CHD3: variants seen among roughly 807,000 people sequenced by gnomAD.
CHD3 encodes ATP-dependent chromatin remodeler CHD3.
In CHD3, 52 loss-of-function variants were observed where a neutral mutation model predicts 248.9. The observed-to-expected ratio is 0.21, with a 90% CI of 0.17 to 0.26. The LOEUF (loss-of-function observed/expected upper bound fraction) is 0.26. Ranked by LOEUF, CHD3 falls within the 10% of genes least tolerant of loss-of-function variation. The probability of loss-of-function intolerance (pLI) is 1.00; values close to 1 mark genes in which losing one functional copy is unlikely to be tolerated. For synonymous variants in CHD3, 985 were observed against 985.2 expected (o/e 1.00, Z 0.00); for missense variants, 1,482 against 2,605.8 (o/e 0.57, Z 9.39).
rs770465240 is a variant in CHD3, at chr17:7,890,648, C to T, written c.291C>T (p.Thr97=). The change falls in exon 3 of 40, where the codon ACC becomes ACT. Residue 97 remains threonine, a synonymous_variant. Transcript: ENST00000330494. ...AGAGTGGGGGCAGTGAATATGGAAC[C>T]GGACCGGGTCGGAAACGAAGAAGGA... ...KSESGGSEYG[T]GPGRKRRRKH... is the part of the protein sequence containing the mutation. The T allele has an allele frequency of 1.4e-5, 22 of 1,605,974 alleles. No individual in the cohort carries two copies. The highest frequency in any genetic ancestry group is 6.9e-5 in the African/African-American group (5 of 72,802).
chr17:7,911,746 G>C lies in CHD3; in HGVS notation c.*161G>C, dbSNP rs1411673468. ...CTCTGCAGCTCCTCTCTTCAAGAAG[G>C]GCCCTTTGTCTTTCTCCACTCCCAC... On this transcript the variant is annotated 3_prime_UTR_variant, in exon 40 of 40. Coordinates refer to ENST00000330494, the MANE Select transcript of CHD3 (RefSeq NM_001005273.3). The surrounding 1 kb of genome is among the most constrained non-coding windows in gnomAD (Gnocchi z 5.4). 22 of 1,531,120 alleles carry C rather than the reference G, an allele frequency of 1.4e-5. No individual in the cohort carries two copies. Among genetic ancestry groups the C allele is most frequent in the Non-Finnish European group, 1.9e-5 (21 of 1,134,756 alleles). 94.8% of individuals were successfully genotyped at this position (1,531,120 alleles called of 1,614,324 possible). A position where few individuals can be genotyped will look rare whatever the true frequency, so the allele number is the denominator to read the frequency against.
chr17:7,906,914 C>G lies in CHD3; in HGVS notation c.4549C>G (p.Leu1517Val). Reference sequence around the variant, plus strand: ...CAATGGGCGTTGGTCAATGCCGGAACTGATGCCTGACCCCAGCGCCGATTC... The same window carrying G: ...CAATGGGCGTTGGTCAATGCCGGAAGTGATGCCTGACCCCAGCGCCGATTC... Reference protein sequence around the residue: ...HINGRWSMPELMPDPSADSKR... With the variant: ...HINGRWSMPEVMPDPSADSKR... Residue 1517 changes from leucine to valine, a missense_variant, in exon 30 of 40, where the codon CTG (leucine) becomes GTG (valine). Leu to Val is a conservative substitution (Grantham distance 32). Coordinates refer to ENST00000330494, the MANE Select transcript of CHD3 (RefSeq NM_001005273.3). The surrounding 1 kb of genome is among the most constrained non-coding windows in gnomAD (Gnocchi z 5.0). 6.2e-7 allele frequency: 1 copy of G among 1,614,148 alleles called. No individual in the cohort carries two copies. Among genetic ancestry groups the G allele is most frequent in the Non-Finnish European group, 8.5e-7 (1 of 1,180,020 alleles).
At chr17:7,902,532 T>C in intron 20 of CHD3, 78 bp from the exon 21 acceptor site, 1 of 878,474 alleles carries the variant, frequency 1.1e-6, no homozygotes, top group South Asian at 1.5e-5. Flanking sequence ...GGGTTGAGTT[T>C]GTGTAAAGGA....
At chr17:7,891,493 G>A (rs576912264) in intron 4 of CHD3, among the ~76,000 whole-genome samples, 2 of 152,272 alleles carry the variant, frequency 1.3e-5, no homozygotes, top group South Asian at 4.1e-4. Context: ...GGTAATAATG[G>A]AGGGTCCACT....
At chr17:7,885,463 G>A (rs1967750522), upstream of CHD3, among the ~76,000 whole-genome samples, 2 of 151,622 alleles carry the variant, frequency 1.3e-5, no homozygotes, top group South Asian at 2.1e-4. Context: ...GAGGGGGTAG[G>A]CAGGAAACGG....
chr17:7,899,219 C>A lies in CHD3; in HGVS notation c.2343+17C>A. The A allele has an allele frequency of 1.2e-6, 2 of 1,609,822 alleles. No homozygotes were observed. Among genetic ancestry groups the A allele is most frequent in the Non-Finnish European group, 1.7e-6 (2 of 1,176,674 alleles). ...TACAAGGAGGTGCTGGATTCTAGGA[C>A]CTTGAAGGGGACCGCCTGGACTGGG... On this transcript the variant is annotated intron_variant, in intron 14 of 39. Coordinates refer to ENST00000330494, the MANE Select transcript of CHD3 (RefSeq NM_001005273.3). This position sits in a 1 kb window ranked among gnomAD's most constrained non-coding sequence, Gnocchi z 6.8.
upstream of CHD3, chr17:7,885,205 G>A (rs1475748213): frequency 3.2e-6 from 3 of 926,842 alleles, no homozygotes; most frequent in Non-Finnish European, 2.6e-6. Flanking sequence ...GCGAATCCGG[G>A]GCTCGGGCCC....
At position 7,907,170 on chromosome 17, in the gene CHD3, C is replaced by T; in HGVS notation, c.4711C>T (p.Leu1571Phe). Residue 1571 changes from leucine to phenylalanine, a missense_variant, in exon 31 of 40, where the codon CTT becomes TTT. Transcript: ENST00000330494. The surrounding 1 kb of genome is among the most constrained non-coding windows in gnomAD (Gnocchi z 4.3). ...SEKGEGIRTP[L>F]EKEEAENQEE... is the part of the protein sequence containing the mutation. ...GAAAGGAGAAGGCATAAGGACACCT[C>T]TTGAGAAGGAGGAAGCTGAAAACCA... is the stretch of plus-strand genomic sequence containing the variant. 1.2e-6 allele frequency: 2 copies of T among 1,614,214 alleles called. No homozygotes were observed. The highest frequency in any genetic ancestry group is 1.1e-5 in the South Asian group (1 of 91,086).
upstream of CHD3, among the ~76,000 whole-genome samples, chr17:7,885,768 C>T (rs1193263332): frequency 6.6e-6 from 1 of 152,190 alleles, no homozygotes; most frequent in Non-Finnish European, 1.5e-5. Context: ...CATGCGGTGG[C>T]ACGCGAGGGA....
In CHD3 at chr17:7,910,706, T is replaced by G; in HGVS notation, c.5754+115T>G. The G allele has an allele frequency of 6.6e-7, 1 of 1,506,678 alleles. No individual in the cohort carries two copies. Among genetic ancestry groups the G allele is most frequent in the Non-Finnish European group, 8.9e-7 (1 of 1,117,668 alleles). 93.3% of individuals were successfully genotyped at this position (1,506,678 alleles called of 1,614,324 possible). ...GGAAAAACAACTTGCTAGAACACAG[T>G]CATCACCCTTGAGTGAGTCTCCCTG... On this transcript the variant is annotated intron_variant, in intron 38 of 39. Coordinates refer to ENST00000330494, the MANE Select transcript of CHD3 (RefSeq NM_001005273.3). The surrounding 1 kb of genome is among the most constrained non-coding windows in gnomAD (Gnocchi z 4.7).
upstream of CHD3, chr17:7,888,729 TGC>T (rs1968374483): frequency 2.1e-6 from 2 of 960,030 alleles, no homozygotes; most frequent in East Asian, 7.6e-5. Flanking sequence ...TGGGTGTGGG[TGC>T]GCGCGTGCGC....
In CHD3 at chr17:7,903,353, C is replaced by T. The variant is rs762693054; in HGVS notation, c.3577C>T (p.Arg1193Ter). 6.2e-7 allele frequency: 1 copy of T among 1,614,206 alleles called. No homozygotes were observed. Among genetic ancestry groups the T allele is most frequent in the East Asian group, 2.2e-5 (1 of 44,882 alleles). Residue 1193 changes from arginine to a stop codon, truncating the protein, a stop_gained, in exon 23 of 40, where the codon CGA becomes TGA. Coordinates refer to ENST00000330494, the MANE Select transcript of CHD3 (RefSeq NM_001005273.3). LOFTEE classifies it high-confidence loss of function. The surrounding 1 kb of genome is among the most constrained non-coding windows in gnomAD (Gnocchi z 6.8). ...TGTGACTCGCGCGTCAGTGGAAGAG[C>T]GAATCACACAAGTGGCCAAGAGAAA... ...RFVTRASVEE[R>*]ITQVAKRKMM...
At chr17:7,901,018 A>G in intron 19 of CHD3, 25 bp downstream of exon 19, 1 of 1,604,568 alleles carries the variant, frequency 6.2e-7, no homozygotes, top group African/African-American at 1.3e-5. Flanking sequence ...CAGGGAGCTG[A>G]TCGAACGCCC....
At chr17:7,887,733 C>A (rs1968188793), upstream of CHD3, among the ~76,000 whole-genome samples, 2 of 152,168 alleles carry the variant, frequency 1.3e-5, no homozygotes, top group Non-Finnish European at 2.9e-5. Flanking sequence ...CCAGGCTCCG[C>A]CCTGCGCCCT....
Position 7,895,247 on chromosome 17 carries a change from C to A in CHD3, c.1504-92C>A. The A allele has an allele frequency of 6.3e-7, 1 of 1,579,658 alleles. No individual in the cohort carries two copies. The highest frequency in any genetic ancestry group is 1.2e-5 in the South Asian group (1 of 85,830). On this transcript the variant is annotated intron_variant, in intron 9 of 39. Coordinates refer to ENST00000330494, the MANE Select transcript of CHD3 (RefSeq NM_001005273.3). The surrounding 1 kb of genome is among the most constrained non-coding windows in gnomAD (Gnocchi z 4.9). ...GTCCAGCTTTTCATTTCTCTGCACT[C>A]CCCCACCCTTGTGGGACCCCTATCT... is the stretch of plus-strand genomic sequence containing the variant.
At position 7,905,827 on chromosome 17, in the gene CHD3, C is replaced by T. The variant is rs368755514; in HGVS notation, c.4225-29C>T. The T allele has an allele frequency of 1.9e-5, 31 of 1,614,024 alleles. No homozygotes were observed. Among genetic ancestry groups the T allele is most frequent in the Non-Finnish European group, 2.5e-5 (30 of 1,180,032 alleles). On this transcript the variant is annotated intron_variant, in intron 27 of 39. Transcript: ENST00000330494. This position sits in a 1 kb window ranked among gnomAD's most constrained non-coding sequence, Gnocchi z 5.8. ...AGACCTAAGAACCCTAGACATTTGT[C>T]GCCATTGCCTCCTTGCTCCCACCCT...
chr17:7,897,892 C>G lies in CHD3; in HGVS notation c.1920-79C>G. 1 of 1,467,254 alleles carries G rather than the reference C, an allele frequency of 6.8e-7. No individual in the cohort carries two copies. Among genetic ancestry groups the G allele is most frequent in the East Asian group, 2.3e-5 (1 of 42,942 alleles). The allele number at this position is 1,467,254 out of a possible 1,614,324, so 90.9% of individuals were successfully genotyped here. ...AATTTTGTGTGTTTGCTGATAATTG[C>G]GTTTCTCAGGCCTTCTTTCTGTTTG... On this transcript the variant is annotated intron_variant, in intron 11 of 39. Coordinates refer to ENST00000330494, the MANE Select transcript of CHD3 (RefSeq NM_001005273.3). This position sits in a 1 kb window ranked among gnomAD's most constrained non-coding sequence, Gnocchi z 4.8.
intron 4 of CHD3, 123 bp downstream of exon 4, chr17:7,891,187 C>A: frequency 8.9e-7 from 1 of 1,123,734 alleles, no homozygotes; most frequent in Non-Finnish European, 1.3e-6. Flanking sequence ...GTATACACAC[C>A]AAATTCTACA....
In CHD3 at chr17:7,890,025, G is replaced by A. The variant is rs141560724; in HGVS notation, c.213+249G>A. Among the ~76,000 whole-genome samples the A allele has an allele frequency of 2.5e-3, 384 of 152,128 alleles. 3 individuals are homozygous for A. The highest frequency in any genetic ancestry group is 8.9e-3 in the African/African-American group (372 of 41,570). ...GTGTCCTCAGCAGCAAAGAGAAGCA[G>A]TTGAAAGCACAAGCTCTGGAAGACT... On this transcript the variant is annotated intron_variant, in intron 2 of 39. Coordinates refer to ENST00000330494, the MANE Select transcript of CHD3 (RefSeq NM_001005273.3).
Sources: allele counts gnomAD v4.1 joint callset (sites outside exome capture counted in the v4.1 genomes callset), GRCh38; gene constraint gnomAD v4.1.1; non-coding constraint Gnocchi (gnomAD v3.1); transcripts MANE v1.5; gene names NCBI Gene and HGNC (gene_info 2026-07-23, HGNC 2026-07-21).